The following ARHGAP24 variants were observed in gnomAD, a reference collection of about 807,000 sequenced individuals.
ARHGAP24 encodes the protein Rho GTPase activating protein 24.
Under a neutral mutation model 76.4 loss-of-function variants are expected in ARHGAP24, and 50 were observed. The ratio of observed to expected loss-of-function variants is 0.65; its 90% CI spans 0.52 to 0.83. The LOEUF (loss-of-function observed/expected upper bound fraction) is 0.83, where lower values mean the gene tolerates loss of function less well. ARHGAP24 is among the 40% of genes least tolerant of loss of function. The pLI is 0.00. For missense variants in ARHGAP24, 930 were observed against 914.2 expected, an observed-to-expected ratio of 1.02 and a Z score of -0.22; for synonymous variants, 345 against 323.3, an observed-to-expected ratio of 1.07 and a Z score of -0.72.
chr4:85,877,334 A>G (rs1017223299), intron 3 of ARHGAP24, among the ~76,000 whole-genome samples: 4 of 152,208 alleles, frequency 2.6e-5, no homozygotes, highest in Non-Finnish European at 5.9e-5. Context: ...TAAGAATATA[A>G]TAGCACAAGA....
intron 3 of ARHGAP24, among the ~76,000 whole-genome samples, chr4:85,747,517 C>T (rs1207408523): frequency 3.9e-5 from 6 of 152,144 alleles, no homozygotes; most frequent in Non-Finnish European, 7.4e-5. Context: ...TCCTGGCTAA[C>T]GCGGTGAAAC....
intron 2 of ARHGAP24, among the ~76,000 whole-genome samples, chr4:85,711,618 A>G (rs4413396): frequency 0.64 from 97,728 of 151,944 alleles, 33,843 homozygotes; most frequent in Non-Finnish European, 0.79. Flanking sequence ...TGTTCTCCCT[A>G]TGAAACTTTC....
At chr4:85,718,439 G>C (rs1270596295) in intron 2 of ARHGAP24, among the ~76,000 whole-genome samples, 2 of 151,912 alleles carry the variant, frequency 1.3e-5, no homozygotes, top group African/African-American at 4.8e-5. Context: ...TGTTAACATT[G>C]GTTATCTGTA....
chr4:85,596,024 A>G (rs1719822998), intron 2 of ARHGAP24, among the ~76,000 whole-genome samples: 2 of 152,028 alleles, frequency 1.3e-5, no homozygotes, highest in South Asian at 2.1e-4. Context: ...TACGTTCATC[A>G]GGGAGCTGAT....
chr4:85,819,008 G>T (rs571665375), intron 3 of ARHGAP24, among the ~76,000 whole-genome samples: 1 of 152,250 alleles, frequency 6.6e-6, no homozygotes, highest in Admixed American at 6.5e-5. Context: ...TATGGAGGGA[G>T]GTAGTTTTCA....
intron 2 of ARHGAP24, among the ~76,000 whole-genome samples, chr4:85,605,689 A>G (rs1027718263): frequency 4.6e-5 from 7 of 152,238 alleles, no homozygotes; most frequent in African/African-American, 1.7e-4. Context: ...AATATATTAT[A>G]CACGTGTATC....
chr4:85,999,819 T>C (rs907061495), intron 9 of ARHGAP24: 1 of 152,276 alleles, frequency 6.6e-6, no homozygotes, highest in Non-Finnish European at 1.5e-5. Context: ...TGCCCAGAGC[T>C]ATATTAATAA....
intron 1 of ARHGAP24, among the ~76,000 whole-genome samples, chr4:85,519,383 C>T (rs1724649465): frequency 1.3e-5 from 2 of 152,050 alleles, no homozygotes; most frequent in Admixed American, 1.3e-4. Flanking sequence ...GATTTTGGAC[C>T]CAGGACTACC....
intron 4 of ARHGAP24, chr4:85,924,752 T>G (rs749098927): frequency 6.6e-6 from 1 of 152,184 alleles, no homozygotes; most frequent in Admixed American, 6.6e-5. Context: ...TAAGTTGAAG[T>G]TAAAATAGTA....
At chr4:85,485,646 G>A (rs1192585342) in intron 1 of ARHGAP24, among the ~76,000 whole-genome samples, 1 of 151,242 alleles carries the variant, frequency 6.6e-6, no homozygotes, top group Non-Finnish European at 1.5e-5. Context: ...CTCCTTACCT[G>A]TAAAATAAGA....
chr4:85,985,999 T>G (rs1323445757), intron 8 of ARHGAP24, among the ~76,000 whole-genome samples: 5 of 152,214 alleles, frequency 3.3e-5, no homozygotes, highest in Non-Finnish European at 5.9e-5. Flanking sequence ...TTTTATTTTC[T>G]TATTTTGGTG....
chr4:85,878,646 G>C (rs977264799), intron 3 of ARHGAP24, among the ~76,000 whole-genome samples: 1 of 151,892 alleles, frequency 6.6e-6, no homozygotes, highest in Admixed American at 6.6e-5. Context: ...TCATATCTTG[G>C]AATAAGATAC....
intron 5 of ARHGAP24, among the ~76,000 whole-genome samples, chr4:85,950,138 A>C (rs1737525124): frequency 6.6e-6 from 1 of 152,186 alleles, no homozygotes; most frequent in South Asian, 2.1e-4. Context: ...TGCAGGTAGA[A>C]GAATAGCAAG....
intron 3 of ARHGAP24, among the ~76,000 whole-genome samples, chr4:85,919,917 G>A (rs1003654158): frequency 5.3e-5 from 8 of 152,124 alleles, no homozygotes; most frequent in East Asian, 1.9e-4. Flanking sequence ...TTAGAACTGC[G>A]CCATGCTAAA....
rs796966231 is a variant in ARHGAP24 at position 85,930,730 on chromosome 4, GT to G, written c.391+6969del. On this transcript the variant is annotated intron_variant, in intron 4 of 9. Coordinates refer to ENST00000395184, the MANE Select transcript of ARHGAP24 (RefSeq NM_001025616.3). Reference sequence around the variant, plus strand: ...CCTGGATTAGGCAAGAGAAAAGGAAGTTTTTTTTTGCTAAACAGGAGTAAAT... The same window carrying G: ...CCTGGATTAGGCAAGAGAAAAGGAAGTTTTTTTTGCTAAACAGGAGTAAAT... 2.8e-4 allele frequency: 362 copies of G among 1,278,820 alleles called. 3 individuals are homozygous for G. In the South Asian group the frequency reaches 6.0e-3, roughly 21 times the overall value. 79.2% of individuals were successfully genotyped at this position (1,278,820 alleles called of 1,614,324 possible). A position where few individuals can be genotyped will look rare whatever the true frequency, so the allele number is the denominator to read the frequency against.
chr4:85,994,783 G>A lies in ARHGAP24; in HGVS notation c.1129G>A (p.Asp377Asn). 6.2e-7 allele frequency: 1 copy of A among 1,614,058 alleles called. No individual in the cohort carries two copies. Among genetic ancestry groups the A allele is most frequent in the Non-Finnish European group, 8.5e-7 (1 of 1,180,008 alleles). ...KDSPSRQCSW[D>N]KSESPQRSSM... ...CAGCCCTAGTAGGCAGTGCTCCTGG[G>A]ACAAGTCTGAGTCACCCCAGAGAAG... Residue 377 changes from aspartate (D) to asparagine (N), a missense_variant, in exon 9 of 10, where the codon GAC (aspartate) becomes AAC (asparagine). Asp to Asn is a conservative substitution (Grantham distance 23, BLOSUM62 1). Coordinates refer to ENST00000395184, the MANE Select transcript of ARHGAP24 (RefSeq NM_001025616.3).
At chr4:85,524,287 C>T (rs113084973) in intron 1 of ARHGAP24, among the ~76,000 whole-genome samples, 1,569 of 152,166 alleles carry the variant, frequency 0.01, 14 homozygotes, top group East Asian at 0.018. Flanking sequence ...CCTTAAGCAT[C>T]CAATATTTAA....
At chr4:85,588,775 T>G (rs1158113028) in intron 2 of ARHGAP24, among the ~76,000 whole-genome samples, 1 of 152,202 alleles carries the variant, frequency 6.6e-6, no homozygotes, top group Non-Finnish European at 1.5e-5. Flanking sequence ...TTTCTAAGAT[T>G]TCAACAATTT....
chr4:85,755,821 C>T (rs546950979), intron 3 of ARHGAP24, among the ~76,000 whole-genome samples: 29 of 151,710 alleles, frequency 1.9e-4, no homozygotes, highest in African/African-American at 6.8e-4. Flanking sequence ...TTAGTAGAGA[C>T]GGGGTTTCAC....
Sources: allele counts gnomAD v4.1 joint callset (sites outside exome capture counted in the v4.1 genomes callset), GRCh38; gene constraint gnomAD v4.1.1; transcripts MANE v1.5; gene names NCBI Gene and HGNC (gene_info 2026-07-23, HGNC 2026-07-21).